The following CNTNAP2 variants were observed in gnomAD, a reference collection of about 807,000 sequenced individuals.
The protein encoded by CNTNAP2 is contactin-associated protein-like 2.
In CNTNAP2, 98 loss-of-function variants were observed where a neutral mutation model predicts 155.2. The ratio of observed to expected loss-of-function variants is 0.63; its 90% confidence interval spans 0.54 to 0.75. The LOEUF (loss-of-function observed/expected upper bound fraction) is 0.75, where lower values mean the gene tolerates loss of function less well. Among genes scored for constraint, CNTNAP2 ranks in the 30% least tolerant of loss-of-function variants. CNTNAP2 has a pLI of 0.00. For synonymous variants in CNTNAP2, 651 were observed against 631.2 expected, an observed-to-expected ratio of 1.03 and a Z score of -0.47; for missense variants, 1,727 against 1,688.1, an observed-to-expected ratio of 1.02 and a Z score of -0.40.
intron 13 of CNTNAP2, among the ~76,000 whole-genome samples, chr7:147,689,515 T>A (rs1796059321): frequency 1.3e-5 from 2 of 152,202 alleles, no homozygotes; most frequent in Non-Finnish European, 2.9e-5. Flanking sequence ...TCTATCACGT[T>A]ATTCTCTTTA....
intron 2 of CNTNAP2, among the ~76,000 whole-genome samples, chr7:146,827,124 A>G (rs1273411055): frequency 6.6e-6 from 1 of 152,012 alleles, no homozygotes; most frequent in Non-Finnish European, 1.5e-5. Flanking sequence ...TTTCCAGGAT[A>G]TAATTAATTA....
In CNTNAP2 at chr7:146,631,077, AC is replaced by A. The variant is rs1799502913; in HGVS notation, c.98-143193del. 3.3e-5 allele frequency among the ~76,000 whole-genome samples: 5 copies of A among 152,218 alleles called. No individual in the cohort carries two copies. The South Asian group carries it at 1.0e-3, about 32-fold the overall frequency. Reference sequence around the variant, plus strand: ...AAAAACTACTTTAAATTTCATATGGACAAAAAAAGAGCCCATGTACCCAAGA... The same window carrying A: ...AAAAACTACTTTAAATTTCATATGGAAAAAAAAGAGCCCATGTACCCAAGA... On this transcript the variant is annotated intron_variant, in intron 1 of 23. Transcript: ENST00000361727.
At chr7:146,779,326 T>C (rs1802442338) in intron 2 of CNTNAP2, among the ~76,000 whole-genome samples, 1 of 152,136 alleles carries the variant, frequency 6.6e-6, no homozygotes, top group African/African-American at 2.4e-5. Flanking sequence ...ATTCAAATAA[T>C]ACATATAGAA....
At chr7:147,211,851 A>G (rs943424510) in intron 8 of CNTNAP2, among the ~76,000 whole-genome samples, 4 of 152,110 alleles carry the variant, frequency 2.6e-5, no homozygotes, top group African/African-American at 7.2e-5. Flanking sequence ...AGAAACTGTT[A>G]ACAAAGTAAA....
At chr7:148,133,060 G>T (rs189206469) in intron 16 of CNTNAP2, among the ~76,000 whole-genome samples, 1 of 152,208 alleles carries the variant, frequency 6.6e-6, no homozygotes, top group African/African-American at 2.4e-5. Flanking sequence ...TGAAAAAAAT[G>T]TGATAAGGTC....
At chr7:147,009,870 T>C (rs1029915169) in intron 3 of CNTNAP2, among the ~76,000 whole-genome samples, 4 of 152,168 alleles carry the variant, frequency 2.6e-5, no homozygotes, top group Admixed American at 2.0e-4. Flanking sequence ...TCACAGTTAT[T>C]AATGTATATA....
chr7:146,958,461 T>G (rs896495070), intron 3 of CNTNAP2, among the ~76,000 whole-genome samples: 4 of 144,884 alleles, frequency 2.8e-5, no homozygotes, highest in Non-Finnish European at 4.5e-5. Flanking sequence ...TTGCCCAGGT[T>G]GGAGTGCAGT....
chr7:147,328,169 C>T lies in CNTNAP2; in HGVS notation c.1498+27879C>T, dbSNP rs529440047. Among the ~76,000 whole-genome samples the T allele has an allele frequency of 6.6e-5, 10 of 152,130 alleles. No homozygotes were observed. In the South Asian group the frequency reaches 2.1e-3, roughly 32 times the overall value. Reference sequence around the variant, plus strand: ...AGTCATATTTTTCTTCCACATCTTCCCACAAAGAAAATGAGTTTCCAACTG... The same window carrying T: ...AGTCATATTTTTCTTCCACATCTTCTCACAAAGAAAATGAGTTTCCAACTG... On this transcript the variant is annotated intron_variant, in intron 9 of 23. Transcript: ENST00000361727.
At chr7:146,212,335 G>A (rs115984781) in intron 1 of CNTNAP2, among the ~76,000 whole-genome samples, 2 of 152,068 alleles carry the variant, frequency 1.3e-5, no homozygotes, top group African/African-American at 2.4e-5. Flanking sequence ...AATGGTCCAG[G>A]GGATGCTAAA....
intron 1 of CNTNAP2, among the ~76,000 whole-genome samples, chr7:146,136,696 G>A (rs1248507834): frequency 1.3e-5 from 2 of 151,852 alleles, no homozygotes; most frequent in Non-Finnish European, 2.9e-5. Context: ...CTAAGAACCT[G>A]AGTAATGTCC....
At chr7:148,229,929 G>A (rs1230537961) in intron 20 of CNTNAP2, 150 bp downstream of exon 20, 1 of 827,810 alleles carries the variant, frequency 1.2e-6, no homozygotes, top group Non-Finnish European at 1.9e-6. Flanking sequence ...TAGTGAAGTA[G>A]AAATATATAT....
At chr7:147,159,348 T>G (rs1204880303) in intron 8 of CNTNAP2, among the ~76,000 whole-genome samples, 1 of 152,108 alleles carries the variant, frequency 6.6e-6, no homozygotes, top group African/African-American at 2.4e-5. Context: ...TGTTTTTAAT[T>G]TTTAAAAGAT....
chr7:147,332,409 T>A (rs886266441), intron 9 of CNTNAP2, among the ~76,000 whole-genome samples: 4 of 152,262 alleles, frequency 2.6e-5, no homozygotes, highest in Admixed American at 6.5e-5. Flanking sequence ...CCTTTCTGCT[T>A]TCTTCATCAT....
In CNTNAP2 at chr7:148,067,394, G is replaced by A. The variant is rs558296427; in HGVS notation, c.2384-50724G>A. On this transcript the variant is annotated intron_variant, in intron 15 of 23. Coordinates refer to ENST00000361727, the MANE Select transcript of CNTNAP2 (RefSeq NM_014141.6). Reference sequence around the variant, plus strand: ...TTTCTAGGTCTAGCCACCCAGTGGAGCTACTGGACTCTGACCTGGTACTGG... The same window carrying A: ...TTTCTAGGTCTAGCCACCCAGTGGAACTACTGGACTCTGACCTGGTACTGG... Among the ~76,000 whole-genome samples the A allele has an allele frequency of 2.3e-3, 346 of 152,332 alleles. 1 individual carries two copies. Among genetic ancestry groups the A allele is most frequent in the African/African-American group, 7.9e-3 (329 of 41,570 alleles).
intron 13 of CNTNAP2, among the ~76,000 whole-genome samples, chr7:147,774,783 G>C (rs755157705): frequency 6.6e-6 from 1 of 152,114 alleles, no homozygotes; most frequent in Non-Finnish European, 1.5e-5. Flanking sequence ...AAGACACCCA[G>C]GTTGTGGTAT....
At chr7:146,451,861 A>ATG (rs1796487511) in intron 1 of CNTNAP2, among the ~76,000 whole-genome samples, 2 of 62,690 alleles carry the variant, frequency 3.2e-5, no homozygotes, top group Admixed American at 2.0e-4. Context: ...TATTCTATAT[A>ATG]TATATATACG....
chr7:146,184,276 A>G (rs1317141568), intron 1 of CNTNAP2, among the ~76,000 whole-genome samples: 1 of 152,224 alleles, frequency 6.6e-6, no homozygotes, highest in Non-Finnish European at 1.5e-5. Context: ...TGTCTTGTAG[A>G]TAAACAAACA....
chr7:146,428,660 G>A (rs777410881), intron 1 of CNTNAP2, among the ~76,000 whole-genome samples: 4 of 151,768 alleles, frequency 2.6e-5, no homozygotes, highest in Non-Finnish European at 5.9e-5. Context: ...ACCTTTGTCA[G>A]ATGGATAGAT....
chr7:146,496,673 C>T (rs187916557), intron 1 of CNTNAP2, among the ~76,000 whole-genome samples: 105 of 152,100 alleles, frequency 6.9e-4, no homozygotes, highest in African/African-American at 2.4e-3. Flanking sequence ...CTTTTTTTTC[C>T]CATATCAAGA....
Sources: gnomAD v4.1 joint callset for allele counts (sites outside exome capture counted in the v4.1 genomes callset) on GRCh38, gnomAD v4.1.1 for gene constraint, MANE v1.5 for transcripts, NCBI Gene and HGNC (gene_info 2026-07-23, HGNC 2026-07-21) for gene names.